Variants in POLN observed in about 807,000 individuals in gnomAD.
POLN encodes the protein DNA polymerase nu, also known as DNA polymerase N.
POLN carries 108 observed loss-of-function variants against 113.5 expected under a neutral mutation model. The ratio of observed to expected loss-of-function variants is 0.95; its 90% CI spans 0.81 to 1.12. The LOEUF (loss-of-function observed/expected upper bound fraction) is 1.12, where lower values mean the gene tolerates loss of function less well. Among genes scored for constraint, POLN ranks in the 50% most tolerant of loss-of-function variants. The pLI, the probability that POLN is intolerant of heterozygous loss-of-function variation, is 0.00. For missense variants in POLN, 1,097 were observed against 1,077.1 expected (o/e 1.02, Z -0.26); for synonymous variants, 386 against 391.5 (o/e 0.99, Z 0.17).
intron 19 of POLN, among the ~76,000 whole-genome samples, chr4:2,098,918 GCACACACACA>G (rs4031130): frequency 1.3e-5 from 2 of 150,016 alleles, no homozygotes; most frequent in East Asian, 3.9e-4. Context: ...ACGTGCGTGC[GCACACACACA>G]CACACACACA....
At chr4:2,223,639 G>A (rs927102453) in intron 3 of POLN, among the ~76,000 whole-genome samples, 2 of 152,196 alleles carry the variant, frequency 1.3e-5, no homozygotes, top group East Asian at 3.8e-4. Flanking sequence ...TAAGCTGTAT[G>A]ATCTAGCCTG....
intron 23 of POLN, chr4:2,079,519 T>C: frequency 1.0e-6 from 1 of 985,740 alleles, no homozygotes; most frequent in Non-Finnish European, 1.2e-6. Context: ...TGTGCGTGTG[T>C]GTGCACGTGT....
intron 19 of POLN, among the ~76,000 whole-genome samples, chr4:2,106,200 C>T (rs1289707234): frequency 6.6e-6 from 1 of 152,132 alleles, no homozygotes; most frequent in Admixed American, 6.5e-5. Context: ...CTCTGTCCTG[C>T]AGCTGTGGAG....
chr4:2,176,471 T>C (rs1732999200), intron 8 of POLN, 137 bp from the exon 9 acceptor site: 1 of 633,058 alleles, frequency 1.6e-6, no homozygotes, highest in East Asian at 3.1e-5. Context: ...GTCATGTACG[T>C]GGTAGTATCA....
rs747184067 is a variant in POLN at position 2,147,643 on chromosome 4, C to CTTTTTTTTTTTTTTT, written c.1731+9130_1731+9144dup. Among the ~76,000 whole-genome samples, 108 of 79,346 alleles carry CTTTTTTTTTTTTTTT rather than the reference C, an allele frequency of 1.4e-3. 3 individuals carry two copies. The highest frequency in any genetic ancestry group is 1.5e-3 in the African/African-American group (36 of 24,242). The allele number at this position is 79,346 out of a possible 152,430, so 52.1% of individuals were successfully genotyped here. A position where few individuals can be genotyped will look rare whatever the true frequency, so the allele number is the denominator to read the frequency against. On this transcript the variant is annotated intron_variant, in intron 16 of 25. Transcript: ENST00000511885. ...AGATCAGACATCCAGTTTTTCTTTT[C>CTTTTTTTTTTTTTTT]TTTTTTTTTTTTTTTTGAGACAAAG...
At chr4:2,196,801 TC>T (rs1733587131) in intron 6 of POLN, among the ~76,000 whole-genome samples, 1 of 152,200 alleles carries the variant, frequency 6.6e-6, no homozygotes, top group Non-Finnish European at 1.5e-5. Context: ...TATATACTAC[TC>T]TGTACCTTTG....
intron 6 of POLN, among the ~76,000 whole-genome samples, chr4:2,195,317 C>G (rs772923779): frequency 4.3e-4 from 66 of 152,046 alleles, no homozygotes; most frequent in Non-Finnish European, 8.1e-4. Context: ...TGATTAAGCA[C>G]TTGCTTTGTA....
chr4:2,075,471 C>G lies in POLN; in HGVS notation c.2436G>C (p.Pro812=), dbSNP rs377189994. 6 of 1,613,560 alleles carry G rather than the reference C, an allele frequency of 3.7e-6. No homozygotes were observed. The highest frequency in any genetic ancestry group is 4.2e-6 in the Non-Finnish European group (5 of 1,180,028). ...GGCTACCTGCACACTCCGGGATCTG[C>G]GGATCTTCCACTTCAAACAGCAGCT... ...HDELLFEVED[P]QIPECAALVR... The change falls in exon 24 of 26, where the codon CCG becomes CCC. Residue 812 remains proline (P), a synonymous_variant. Coordinates refer to ENST00000511885, the MANE Select transcript of POLN (RefSeq NM_181808.4).
intron 3 of POLN, among the ~76,000 whole-genome samples, chr4:2,214,986 A>G (rs1205378138): frequency 1.3e-5 from 2 of 152,016 alleles, no homozygotes; most frequent in Admixed American, 6.6e-5. Flanking sequence ...ACAAAAACAG[A>G]TAGGAAATAA....
At position 2,241,393 on chromosome 4, in the gene POLN, T is replaced by C. The variant is rs550824098; in HGVS notation, c.-13+127A>G. 1.2e-4 allele frequency: 73 copies of C among 607,542 alleles called. No homozygotes were observed. In the African/African-American group the frequency reaches 1.4e-3, roughly 12 times the overall value. The allele number at this position is 607,542 out of a possible 1,614,324, so 37.6% of individuals were successfully genotyped here. A position where few individuals can be genotyped will look rare whatever the true frequency, so the allele number is the denominator to read the frequency against. ...TTATAGAGCAGCATTTGTTTTTAAT[T>C]CAAAATAAATGGATCCAAACAAACC... On this transcript the variant is annotated intron_variant, in intron 2 of 25. Coordinates refer to ENST00000511885, the MANE Select transcript of POLN (RefSeq NM_181808.4).
At chr4:2,095,812 A>AGCTGT in intron 20 of POLN, 39 bp downstream of exon 20, 2 of 1,573,956 alleles carry the variant, frequency 1.3e-6, no homozygotes, top group Admixed American at 1.7e-5. Context: ...GCCAGCTTAC[A>AGCTGT]GGTAACCCCG....
At chr4:2,073,455 C>T (rs1730200816) in intron 24 of POLN, among the ~76,000 whole-genome samples, 1 of 152,234 alleles carries the variant, frequency 6.6e-6, no homozygotes. Context: ...CAGGGAGCCC[C>T]CACCAGCCAG....
intron 7 of POLN, among the ~76,000 whole-genome samples, chr4:2,185,581 C>T (rs541025910): frequency 1.3e-5 from 2 of 152,166 alleles, no homozygotes; most frequent in East Asian, 3.9e-4. Flanking sequence ...CCCCTCTCTA[C>T]CAAAAATATA....
At chr4:2,221,918 C>G (rs1473609983) in intron 3 of POLN, among the ~76,000 whole-genome samples, 1 of 152,154 alleles carries the variant, frequency 6.6e-6, no homozygotes, top group Non-Finnish European at 1.5e-5. Flanking sequence ...TTCGAGTTGT[C>G]CCGCCTTACC....
rs1730721135 is a variant in POLN at position 2,093,895 on chromosome 4, C to T, written c.2065+1956G>A. Among the ~76,000 whole-genome samples, 1 of 152,232 alleles carries T rather than the reference C, an allele frequency of 6.6e-6. No homozygotes were observed. The highest frequency in any genetic ancestry group is 2.4e-5 in the African/African-American group (1 of 41,460). ...CAAGTCCACTAATTTGTTCCTGTGT[C>T]TTCTCTGTGCCAGGCAGTGAGCTAA... On this transcript the variant is annotated intron_variant, in intron 20 of 25. Coordinates refer to ENST00000511885, the MANE Select transcript of POLN (RefSeq NM_181808.4). This position sits in a 1 kb window ranked among gnomAD's most constrained non-coding sequence, Gnocchi z 4.1.
chr4:2,209,275 T>C (rs920271287), intron 4 of POLN, among the ~76,000 whole-genome samples: 9 of 151,916 alleles, frequency 5.9e-5, no homozygotes, highest in African/African-American at 1.9e-4. Context: ...AGGTCAACAG[T>C]TCGAGACCAT....
chr4:2,209,974 C>CAAATTTACTTTATATATATATAT (rs1207587717), intron 4 of POLN, among the ~76,000 whole-genome samples: 8 of 147,296 alleles, frequency 5.4e-5, no homozygotes, highest in African/African-American at 1.2e-4. Context: ...GGCTTATTTT[C>CAAATTTACTTTATATATATATAT]AAATTTACTT....
At chr4:2,238,120 C>T (rs1734833429) in intron 2 of POLN, among the ~76,000 whole-genome samples, 1 of 152,130 alleles carries the variant, frequency 6.6e-6, no homozygotes. Context: ...TTTTCAGTAT[C>T]CCTCTGCCAT....
intron 19 of POLN, among the ~76,000 whole-genome samples, chr4:2,115,156 C>G (rs1731284885): frequency 6.6e-6 from 1 of 151,344 alleles, no homozygotes; most frequent in Admixed American, 6.6e-5. Context: ...TTCCAGCAAT[C>G]TCCTGCCTCA....
Sources: allele counts gnomAD v4.1 joint callset (sites outside exome capture counted in the v4.1 genomes callset), GRCh38; gene constraint gnomAD v4.1.1; non-coding constraint Gnocchi (gnomAD v3.1); transcripts MANE v1.5; gene names NCBI Gene and HGNC (gene_info 2026-07-23, HGNC 2026-07-21).